CYP2C18: variants seen among roughly 807,000 people sequenced by gnomAD.
The protein encoded by CYP2C18 is cytochrome P450 2C18.
A neutral mutation model predicts 41.3 loss-of-function variants in CYP2C18; 38 were observed. That is an observed-to-expected ratio of 0.92 (90% CI 0.71 to 1.21). The LOEUF is 1.21. Among genes scored for constraint, CYP2C18 ranks in the 50% most tolerant of loss-of-function variants. CYP2C18 has a pLI of 0.00. For synonymous variants in CYP2C18, 236 were observed against 210.0 expected, an observed-to-expected ratio of 1.12 and a Z score of -1.07; for missense variants, 635 against 591.4, an observed-to-expected ratio of 1.07 and a Z score of -0.77.
intron 5 of CYP2C18, among the ~76,000 whole-genome samples, chr10:94,719,738 C>T (rs1198711777): frequency 6.6e-6 from 1 of 152,098 alleles, no homozygotes; most frequent in South Asian, 2.1e-4. Flanking sequence ...TCACGCCCGG[C>T]TAATTTTTGT....
chr10:94,698,821 C>T (rs765800491), intron 4 of CYP2C18, among the ~76,000 whole-genome samples: 3 of 152,126 alleles, frequency 2.0e-5, no homozygotes, highest in Non-Finnish European at 2.9e-5. Flanking sequence ...CACAGAAACA[C>T]AAACTACCAT....
At chr10:94,701,417 A>T (rs1203409088) in intron 4 of CYP2C18, among the ~76,000 whole-genome samples, 1 of 152,100 alleles carries the variant, frequency 6.6e-6, no homozygotes, top group African/African-American at 2.4e-5. Context: ...GGAATTGAAC[A>T]GTGAGAACAC....
In CYP2C18 at chr10:94,683,909, G is replaced by A. The variant is rs753244773; in HGVS notation, c.90G>A (p.Pro30=). 1.9e-5 allele frequency: 30 copies of A among 1,611,084 alleles called. No individual in the cohort carries two copies. The highest frequency in any genetic ancestry group is 3.3e-4 in the Middle Eastern group (2 of 6,056). ...AGAGCTCTGGAAGAGGGAGGCTCCC[G>A]TCTGGCCCCACTCCTCTCCCGATTA... The part of the protein sequence containing the change: ...WRQSSGRGRL[P]SGPTPLPIIG... The change falls in exon 1 of 9, where the codon CCG becomes CCA. Residue 30 remains proline, a synonymous_variant. Coordinates refer to ENST00000285979, the MANE Select transcript of CYP2C18 (RefSeq NM_000772.3).
chr10:94,709,079 A>G (rs1279019620), intron 5 of CYP2C18, among the ~76,000 whole-genome samples: 2 of 152,156 alleles, frequency 1.3e-5, no homozygotes, highest in Non-Finnish European at 2.9e-5. Context: ...TCTCTTGGGT[A>G]TATACTTGGC....
At chr10:94,693,288 A>G (rs1276078541) in intron 3 of CYP2C18, among the ~76,000 whole-genome samples, 1 of 152,054 alleles carries the variant, frequency 6.6e-6, no homozygotes, top group Non-Finnish European at 1.5e-5. Flanking sequence ...ATAGCAAGTG[A>G]GTTTTCATGA....
intron 7 of CYP2C18, 33 bp downstream of exon 7, chr10:94,724,566 G>A (rs1413841901): frequency 1.3e-6 from 2 of 1,583,286 alleles, no homozygotes; most frequent in South Asian, 1.1e-5. Context: ...ACATCTCCAT[G>A]CTCTTCAAGT....
intron 7 of CYP2C18, among the ~76,000 whole-genome samples, chr10:94,730,669 C>G (rs895183577): frequency 6.6e-6 from 1 of 152,030 alleles, no homozygotes; most frequent in Non-Finnish European, 1.5e-5. Context: ...TTCTGGAAGT[C>G]CTAGCCAGAG....
At position 94,688,185 on chromosome 10, in the gene CYP2C18, T is replaced by C. The variant is rs543931018; in HGVS notation, c.392T>C (p.Leu131Pro). 8 of 1,613,716 alleles carry C rather than the reference T, an allele frequency of 5.0e-6. No homozygotes were observed. The East Asian group carries it at 1.6e-4, about 31-fold the overall frequency. ...ATCCGGCGTTTCTGCCTCATGACTCTGCGGAATTTTGGGATGGGGAAGAGG... is the reference window on the plus strand; with the variant it reads ...ATCCGGCGTTTCTGCCTCATGACTCCGCGGAATTTTGGGATGGGGAAGAGG... ...KEIRRFCLMT[L>P]RNFGMGKRSI... Residue 131 changes from leucine to proline, a missense_variant, in exon 3 of 9, where the codon CTG becomes CCG. Coordinates refer to ENST00000285979, the MANE Select transcript of CYP2C18 (RefSeq NM_000772.3).
At chr10:94,699,152 C>A (rs1847182282) in intron 4 of CYP2C18, among the ~76,000 whole-genome samples, 2 of 152,098 alleles carry the variant, frequency 1.3e-5, no homozygotes, top group South Asian at 4.1e-4. Context: ...ATACTGATAC[C>A]AAAGCCTGGC....
chr10:94,733,780 T>C (rs1847874075), intron 8 of CYP2C18, among the ~76,000 whole-genome samples: 1 of 152,164 alleles, frequency 6.6e-6, no homozygotes, highest in Non-Finnish European at 1.5e-5. Context: ...AGTATCTAAT[T>C]CCACAACTTT....
rs186076273 is a variant in CYP2C18 at position 94,687,595 on chromosome 10, A to G, written c.169-175A>G. ...GCTTGGCACATTGAAGGCACTGTAT[A>G]TGTGCAGCTAAAACAATAATCATCA... On this transcript the variant is annotated intron_variant, in intron 1 of 8. Coordinates refer to ENST00000285979, the MANE Select transcript of CYP2C18 (RefSeq NM_000772.3). Among the ~76,000 whole-genome samples the G allele has an allele frequency of 2.8e-4, 43 of 152,338 alleles. 1 individual carries two copies. Among genetic ancestry groups the G allele is most frequent in the African/African-American group, 9.9e-4 (41 of 41,590 alleles).
chr10:94,701,674 G>A (rs927534294), intron 4 of CYP2C18, among the ~76,000 whole-genome samples: 3 of 152,142 alleles, frequency 2.0e-5, no homozygotes, highest in Non-Finnish European at 4.4e-5. Flanking sequence ...GTCTCAGAGT[G>A]TACACAGTTG....
chr10:94,733,408 A>T lies in CYP2C18; in HGVS notation c.1261A>T (p.Lys421Ter). The T allele has an allele frequency of 6.2e-7, 1 of 1,613,394 alleles. No individual in the cohort carries two copies. Among genetic ancestry groups the T allele is most frequent in the Non-Finnish European group, 8.5e-7 (1 of 1,179,528 alleles). The change falls in exon 8 of 9, where the codon AAA (lysine) becomes TAA (stop). Residue 421 changes from lysine to a stop codon, truncating the protein, a stop_gained. Transcript: ENST00000285979. LOFTEE classifies it low-confidence loss of function (END_TRUNC). ...TCTGGATAAGAGTGGCAACTTTAAG[A>T]AAAGTGACTACTTCATGCCTTTCTC... is the stretch of plus-strand genomic sequence containing the variant. ...HFLDKSGNFKKSDYFMPFSAG... is the reference protein window; with the variant it reads ...HFLDKSGNFK
In CYP2C18 at chr10:94,701,583, C is replaced by T. The variant is rs1011212323; in HGVS notation, c.643-5201C>T. Among the ~76,000 whole-genome samples, 8 of 152,170 alleles carry T rather than the reference C, an allele frequency of 5.3e-5. No individual in the cohort carries two copies. The South Asian group carries it at 6.2e-4, about 12-fold the overall frequency. Reference sequence around the variant, plus strand: ...TGTATACATATGTAACAAACCTGCACGTTGTGCACATGTACCCTAAAACTT... The same window carrying T: ...TGTATACATATGTAACAAACCTGCATGTTGTGCACATGTACCCTAAAACTT... On this transcript the variant is annotated intron_variant, in intron 4 of 8. Coordinates refer to ENST00000285979, the MANE Select transcript of CYP2C18 (RefSeq NM_000772.3).
At chr10:94,703,920 G>A (rs1309666022) in intron 4 of CYP2C18, among the ~76,000 whole-genome samples, 1 of 152,222 alleles carries the variant, frequency 6.6e-6, no homozygotes, top group South Asian at 2.1e-4. Flanking sequence ...CGAAGACCGT[G>A]GGAAAATTGT....
At chr10:94,724,287 G>C in intron 6 of CYP2C18, 59 bp from the exon 7 acceptor site, 3 of 1,552,994 alleles carry the variant, frequency 1.9e-6, no homozygotes, top group East Asian at 4.5e-5. Context: ...AACCTGAATT[G>C]CTACAACAAA....
chr10:94,700,536 G>T (rs1264760536), intron 4 of CYP2C18, among the ~76,000 whole-genome samples: 1 of 152,122 alleles, frequency 6.6e-6, no homozygotes, highest in Non-Finnish European at 1.5e-5. Context: ...AGAAAACCTA[G>T]GCAATACCAT....
intron 6 of CYP2C18, among the ~76,000 whole-genome samples, chr10:94,720,872 T>A (rs1003216970): frequency 6.6e-6 from 1 of 152,156 alleles, no homozygotes; most frequent in African/African-American, 2.4e-5. Context: ...GGATTGTATG[T>A]TGGTTTTCTA....
At chr10:94,698,468 C>T (rs1470073016) in intron 4 of CYP2C18, among the ~76,000 whole-genome samples, 1 of 152,182 alleles carries the variant, frequency 6.6e-6, no homozygotes, top group African/African-American at 2.4e-5. Flanking sequence ...ATCTCTGGGA[C>T]ATATTCAAAG....
Sources: gnomAD v4.1 joint callset for allele counts (sites outside exome capture counted in the v4.1 genomes callset) on GRCh38, gnomAD v4.1.1 for gene constraint, MANE v1.5 for transcripts, NCBI Gene and HGNC (gene_info 2026-07-23, HGNC 2026-07-21) for gene names.